The following FHIP1A variants were observed in gnomAD, a reference collection of about 807,000 sequenced individuals.
FHIP1A encodes FHF complex subunit HOOK-interacting protein 1A.
A neutral mutation model predicts 88.6 loss-of-function variants in FHIP1A; 61 were observed. The ratio of observed to expected loss-of-function variants is 0.69; its 90% CI spans 0.56 to 0.85. The LOEUF is 0.85. Among genes scored for constraint, FHIP1A ranks in the 40% least tolerant of loss-of-function variants. The pLI is 0.00. For missense variants in FHIP1A, 1,154 were observed against 1,273.5 expected (o/e 0.91, Z 1.43); for synonymous variants, 478 against 496.0 (o/e 0.96, Z 0.48).
At chr4:151,594,615 T>C (rs11932178) in intron 7 of FHIP1A, among the ~76,000 whole-genome samples, 47,850 of 150,864 alleles carry the variant, frequency 0.32, 7,637 homozygotes, top group Non-Finnish European at 0.33. Context: ...CTCGCTCTGT[T>C]GCCCAGGCTG....
chr4:151,540,244 GA>G (rs1425575410), intron 3 of FHIP1A, among the ~76,000 whole-genome samples: 1 of 152,084 alleles, frequency 6.6e-6, no homozygotes, highest in Non-Finnish European at 1.5e-5. Flanking sequence ...AGTTGCAATA[GA>G]GTTTCTGTAG....
chr4:151,459,348 A>G (rs1369815930), intron 2 of FHIP1A, among the ~76,000 whole-genome samples: 2 of 152,200 alleles, frequency 1.3e-5, no homozygotes, highest in East Asian at 3.8e-4. Flanking sequence ...AAGGATAAGG[A>G]AGCAAATTTA....
At chr4:151,594,794 C>T (rs185905863) in intron 7 of FHIP1A, among the ~76,000 whole-genome samples, 95 of 152,198 alleles carry the variant, frequency 6.2e-4, no homozygotes, top group East Asian at 2.5e-3. Context: ...AGTGTGGTCT[C>T]GATCTCCTGA....
At chr4:151,460,773 C>T (rs1306516299) in intron 2 of FHIP1A, among the ~76,000 whole-genome samples, 5 of 151,964 alleles carry the variant, frequency 3.3e-5, no homozygotes, top group Admixed American at 2.0e-4. Context: ...AAGTATGGAC[C>T]GAGGTCAGGT....
At chr4:151,450,956 T>C (rs972254419) in intron 1 of FHIP1A, among the ~76,000 whole-genome samples, 11 of 152,068 alleles carry the variant, frequency 7.2e-5, no homozygotes, top group Non-Finnish European at 1.5e-5. Flanking sequence ...TTTTGTATTT[T>C]TAATAGAGAT....
chr4:151,633,467 G>T (rs1453788876), intron 8 of FHIP1A, among the ~76,000 whole-genome samples: 1 of 151,956 alleles, frequency 6.6e-6, no homozygotes, highest in Non-Finnish European at 1.5e-5. Context: ...TATGAGGCCA[G>T]TGTTGCCCTA....
chr4:151,554,000 G>C (rs540179726), intron 3 of FHIP1A, among the ~76,000 whole-genome samples: 3 of 152,060 alleles, frequency 2.0e-5, no homozygotes, highest in Non-Finnish European at 4.4e-5. Context: ...GCTCCTTCCT[G>C]GTAAAGCCAT....
chr4:151,469,654 T>G (rs2126614399), intron 2 of FHIP1A, among the ~76,000 whole-genome samples: 1 of 152,344 alleles, frequency 6.6e-6, no homozygotes, highest in South Asian at 2.1e-4. Context: ...ATTAAATCAT[T>G]ATTGTCTCTA....
rs576250697 is a variant in FHIP1A at position 151,532,842 on chromosome 4, A to G, written c.-122-33296A>G. ...TGGCAGCAGCAAGAGAAAATGAAGA[A>G]GCAAAAGCGGAAACCCCTGATAAAC... On this transcript the variant is annotated intron_variant, in intron 3 of 13. Coordinates refer to ENST00000435205, the MANE Select transcript of FHIP1A (RefSeq NM_001109977.3). Among the ~76,000 whole-genome samples the G allele has an allele frequency of 3.9e-5, 6 of 152,314 alleles. No homozygotes were observed. The East Asian group carries it at 1.2e-3, about 29-fold the overall frequency.
At chr4:151,662,456 G>A (rs1180114455) in intron 13 of FHIP1A, 45 bp from the exon 14 acceptor site, 2 of 1,466,906 alleles carry the variant, frequency 1.4e-6, no homozygotes, top group African/African-American at 1.4e-5. Flanking sequence ...GGGTGGATTA[G>A]AAGGCTATGG....
intron 1 of FHIP1A, among the ~76,000 whole-genome samples, chr4:151,423,396 T>C (rs1274379364): frequency 1.3e-5 from 2 of 152,192 alleles, no homozygotes; most frequent in African/African-American, 4.8e-5. Context: ...TGGAGGTCTT[T>C]GATCAATTAT....
intron 3 of FHIP1A, among the ~76,000 whole-genome samples, chr4:151,541,343 A>G (rs1279877766): frequency 6.6e-6 from 1 of 152,218 alleles, no homozygotes; most frequent in African/African-American, 2.4e-5. Flanking sequence ...TGCAGGCATA[A>G]TGGAGTAAAA....
chr4:151,513,473 G>A (rs997497080), intron 3 of FHIP1A, among the ~76,000 whole-genome samples: 1 of 152,134 alleles, frequency 6.6e-6, no homozygotes, highest in African/African-American at 2.4e-5. Flanking sequence ...AAATGTAAAT[G>A]GACTAAATGC....
intron 1 of FHIP1A, among the ~76,000 whole-genome samples, chr4:151,428,051 T>C (rs1236344059): frequency 1.3e-5 from 2 of 152,192 alleles, no homozygotes; most frequent in Non-Finnish European, 2.9e-5. Flanking sequence ...TCACTTGATA[T>C]AGTATCATGG....
At chr4:151,427,032 A>G (rs978517373) in intron 1 of FHIP1A, among the ~76,000 whole-genome samples, 6 of 152,138 alleles carry the variant, frequency 3.9e-5, no homozygotes. Context: ...TGCCCAATTC[A>G]TGCTTCAGCA....
chr4:151,440,560 GT>G (rs1728368986), intron 1 of FHIP1A, among the ~76,000 whole-genome samples: 1 of 152,080 alleles, frequency 6.6e-6, no homozygotes, highest in East Asian at 1.9e-4. Context: ...TCCTAGAGAA[GT>G]TGGCAGCCAC....
intron 3 of FHIP1A, among the ~76,000 whole-genome samples, chr4:151,539,691 T>A (rs1273030482): frequency 6.6e-6 from 1 of 152,116 alleles, no homozygotes; most frequent in South Asian, 2.1e-4. Flanking sequence ...CCCTGCTGAG[T>A]GCCCTGTCTG....
rs183207731 is a variant in FHIP1A, at chr4:151,622,561, A to G, written c.979-7141A>G. ...TTTTCTGCTTGGACCATCTGGAGTT[A>G]GTTCTCATAAGATTGTTGGGACTCA... On this transcript the variant is annotated intron_variant, in intron 7 of 13. Transcript: ENST00000435205. 6.6e-5 allele frequency among the ~76,000 whole-genome samples: 10 copies of G among 152,224 alleles called. No individual in the cohort carries two copies. In the East Asian group the frequency reaches 1.7e-3, roughly 26 times the overall value.
chr4:151,598,378 C>A (rs1395672981), intron 7 of FHIP1A, among the ~76,000 whole-genome samples: 1 of 152,180 alleles, frequency 6.6e-6, no homozygotes, highest in Non-Finnish European at 1.5e-5. Flanking sequence ...TCTAACCAGT[C>A]CCAATGAGAT....
Sources: gnomAD v4.1 joint callset for allele counts (sites outside exome capture counted in the v4.1 genomes callset) on GRCh38, gnomAD v4.1.1 for gene constraint, MANE v1.5 for transcripts, NCBI Gene and HGNC (gene_info 2026-07-23, HGNC 2026-07-21) for gene names.